The following KCND2 variants were observed in gnomAD, a reference collection of about 807,000 sequenced individuals.
The protein encoded by KCND2 is potassium voltage-gated channel subfamily D member 2.
Under a neutral mutation model 54.4 loss-of-function variants are expected in KCND2, and 16 were observed. The ratio of observed to expected loss-of-function variants is 0.29; its 90% CI spans 0.20 to 0.45. The LOEUF (loss-of-function observed/expected upper bound fraction) is 0.45. Ranked by LOEUF, KCND2 falls within the 20% of genes least tolerant of loss-of-function variation. KCND2 has a pLI of 1.00. For missense variants in KCND2, 486 were observed against 824.2 expected (o/e 0.59, Z 5.02); for synonymous variants, 317 against 310.7 (o/e 1.02, Z -0.21).
chr7:120,404,941 C>A (rs764765511), intron 1 of KCND2, among the ~76,000 whole-genome samples: 1 of 152,070 alleles, frequency 6.6e-6, no homozygotes, highest in Non-Finnish European at 1.5e-5. Context: ...AATTACCATA[C>A]ACAAGTAGAT....
At chr7:120,647,055 C>T (rs749162944) in intron 1 of KCND2, among the ~76,000 whole-genome samples, 1 of 152,156 alleles carries the variant, frequency 6.6e-6, no homozygotes, top group African/African-American at 2.4e-5. Flanking sequence ...CCTGAAATAT[C>T]ATGAAGTAAT....
chr7:120,450,575 A>G lies in KCND2; in HGVS notation c.1115+174828A>G, dbSNP rs185921192. On this transcript the variant is annotated intron_variant, in intron 1 of 5. Coordinates refer to ENST00000331113, the MANE Select transcript of KCND2 (RefSeq NM_012281.3). Reference sequence around the variant, plus strand: ...CATGAATTTATGTGGGAAAGACACTAAACAACTATGTATGTACACCAATGG... The same window carrying G: ...CATGAATTTATGTGGGAAAGACACTGAACAACTATGTATGTACACCAATGG... 2.2e-3 allele frequency among the ~76,000 whole-genome samples: 338 copies of G among 152,322 alleles called. 2 individuals carry two copies. Among genetic ancestry groups the G allele is most frequent in the African/African-American group, 7.4e-3 (306 of 41,566 alleles).
chr7:120,667,947 C>T (rs1791948165), intron 1 of KCND2, among the ~76,000 whole-genome samples: 1 of 151,722 alleles, frequency 6.6e-6, no homozygotes, highest in African/African-American at 2.4e-5. Context: ...TTCTGACAGC[C>T]CTAACCAGAA....
intron 2 of KCND2, 26 bp from the exon 3 acceptor site, chr7:120,741,508 T>C (rs748003036): frequency 2.7e-6 from 4 of 1,461,434 alleles, no homozygotes; most frequent in East Asian, 2.3e-5. Context: ...TAAATGTTAA[T>C]GGGATGTTTA....
intron 1 of KCND2, among the ~76,000 whole-genome samples, chr7:120,377,366 G>A (rs1223122598): frequency 6.6e-6 from 1 of 151,796 alleles, no homozygotes; most frequent in Non-Finnish European, 1.5e-5. Flanking sequence ...AAGTGTAGTG[G>A]GCTCAAGTTT....
chr7:120,668,396 A>G lies in KCND2; in HGVS notation c.1116-64507A>G, dbSNP rs184483897. Among the ~76,000 whole-genome samples, 944 of 144,402 alleles carry G rather than the reference A, an allele frequency of 6.5e-3. 10 individuals are homozygous for G. Among genetic ancestry groups the G allele is most frequent in the Non-Finnish European group, 6.8e-3 (456 of 66,694 alleles). 94.7% of individuals were successfully genotyped at this position (144,402 alleles called of 152,430 possible). On this transcript the variant is annotated intron_variant, in intron 1 of 5. Coordinates refer to ENST00000331113, the MANE Select transcript of KCND2 (RefSeq NM_012281.3). ...CCAAGTGAAGGCATGGAGGAAAAAAAGAGTGAAAGGGTTTTCTGAGAAAGA... is the reference window on the plus strand; with the variant it reads ...CCAAGTGAAGGCATGGAGGAAAAAAGGAGTGAAAGGGTTTTCTGAGAAAGA...
chr7:120,335,540 G>T (rs948117408), intron 1 of KCND2, among the ~76,000 whole-genome samples: 1 of 151,090 alleles, frequency 6.6e-6, no homozygotes, highest in African/African-American at 2.4e-5. Flanking sequence ...AGGCTGGAGT[G>T]CAGTGGTGCG....
rs74605890 is a variant in KCND2 at position 120,493,887 on chromosome 7, T to A, written c.1115+218140T>A. ...GTTAAACTGCATATATCTAAATATG[T>A]AATTGGTAAATAAATCACAAAATAT... On this transcript the variant is annotated intron_variant, in intron 1 of 5. Transcript: ENST00000331113. Among the ~76,000 whole-genome samples the A allele has an allele frequency of 2.1e-3, 319 of 152,260 alleles. 5 individuals carry two copies. In the East Asian group the frequency reaches 0.054, roughly 26 times the overall value.
intron 1 of KCND2, among the ~76,000 whole-genome samples, chr7:120,435,175 C>G (rs1279045867): frequency 6.6e-6 from 1 of 151,730 alleles, no homozygotes; most frequent in Non-Finnish European, 1.5e-5. Context: ...GGCTTCATCT[C>G]TACTCATTGC....
At chr7:120,438,748 C>T (rs1485437941) in intron 1 of KCND2, among the ~76,000 whole-genome samples, 1 of 152,052 alleles carries the variant, frequency 6.6e-6, no homozygotes, top group Admixed American at 6.6e-5. Flanking sequence ...TAGTGATCTG[C>T]CAGGATATCT....
chr7:120,688,358 A>C (rs1234823473), intron 1 of KCND2, among the ~76,000 whole-genome samples: 1 of 152,188 alleles, frequency 6.6e-6, no homozygotes, highest in Non-Finnish European at 1.5e-5. Flanking sequence ...GCTGAGTTTC[A>C]ATAAAATTTC....
intron 1 of KCND2, among the ~76,000 whole-genome samples, chr7:120,400,196 C>T (rs1183926341): frequency 1.3e-5 from 2 of 152,090 alleles, no homozygotes; most frequent in African/African-American, 4.8e-5. Context: ...TTTTAGGTTA[C>T]ACTTGAACAC....
intron 1 of KCND2, among the ~76,000 whole-genome samples, chr7:120,449,328 C>CAAAA (rs58305865): frequency 0.03 from 3,783 of 125,348 alleles, 164 homozygotes; most frequent in African/African-American, 0.1. Flanking sequence ...GACTCCGTCT[C>CAAAA]AAAAAAAAAA....
At chr7:120,734,423 T>C (rs1425900766) in intron 2 of KCND2, among the ~76,000 whole-genome samples, 12 of 152,124 alleles carry the variant, frequency 7.9e-5, no homozygotes. Context: ...TTATAGATGG[T>C]AATCCTCAAG....
chr7:120,337,186 A>T (rs938233894), intron 1 of KCND2, among the ~76,000 whole-genome samples: 1 of 152,208 alleles, frequency 6.6e-6, no homozygotes, highest in African/African-American at 2.4e-5. Context: ...GAGGAACTGG[A>T]TAATATTGTT....
intron 1 of KCND2, among the ~76,000 whole-genome samples, chr7:120,458,740 C>T (rs1453496489): frequency 6.6e-6 from 1 of 151,950 alleles, no homozygotes; most frequent in Non-Finnish European, 1.5e-5. Flanking sequence ...CATAGAAAAT[C>T]CTTAATGTCA....
chr7:120,580,005 TA>T (rs1481811047), intron 1 of KCND2, among the ~76,000 whole-genome samples: 4 of 152,208 alleles, frequency 2.6e-5, no homozygotes, highest in Non-Finnish European at 5.9e-5. Context: ...GGTTGAGGAT[TA>T]GTCTCAGATC....
chr7:120,486,106 C>A (rs1000832498), intron 1 of KCND2, among the ~76,000 whole-genome samples: 28 of 152,008 alleles, frequency 1.8e-4, no homozygotes, highest in Admixed American at 1.2e-3. Context: ...GTGGGCACAA[C>A]CCTTATGCAA....
At chr7:120,608,773 A>G (rs1214399850) in intron 1 of KCND2, among the ~76,000 whole-genome samples, 2 of 152,072 alleles carry the variant, frequency 1.3e-5, no homozygotes, top group African/African-American at 4.8e-5. Context: ...ACACCTCAAA[A>G]CACCTGAAGT....
Sources: gnomAD v4.1 joint callset for allele counts (sites outside exome capture counted in the v4.1 genomes callset) on GRCh38, gnomAD v4.1.1 for gene constraint, MANE v1.5 for transcripts, NCBI Gene and HGNC (gene_info 2026-07-23, HGNC 2026-07-21) for gene names.